Variants in CTNNA3 observed in about 807,000 individuals in gnomAD.
CTNNA3 encodes catenin alpha-3.
CTNNA3 carries 76 observed loss-of-function variants against 95.7 expected under a neutral mutation model. The observed-to-expected ratio is 0.79, with a 90% CI of 0.66 to 0.96. CTNNA3 has a LOEUF of 0.96. CTNNA3 is among the 40% of genes least tolerant of loss of function. CTNNA3 has a pLI of 0.00. For missense variants in CTNNA3, 1,191 were observed against 1,089.8 expected (o/e 1.09, Z -1.31); for synonymous variants, 431 against 374.4 (o/e 1.15, Z -1.74).
chr10:65,935,357 T>C (rs891804669), intron 17 of CTNNA3, among the ~76,000 whole-genome samples: 1 of 152,174 alleles, frequency 6.6e-6, no homozygotes, highest in East Asian at 1.9e-4. Flanking sequence ...TTTTTTTTAA[T>C]CTTATCGTTC....
At chr10:66,374,608 T>C (rs1393216407) in intron 12 of CTNNA3, among the ~76,000 whole-genome samples, 1 of 73,918 alleles carries the variant, frequency 1.4e-5, no homozygotes, top group South Asian at 6.6e-4. Context: ...AGAAAAGCCT[T>C]TTTTTTTTTT....
At chr10:66,258,729 T>A (rs925207326) in intron 13 of CTNNA3, among the ~76,000 whole-genome samples, 12 of 152,080 alleles carry the variant, frequency 7.9e-5, no homozygotes, top group Non-Finnish European at 5.9e-5. Flanking sequence ...CCTCCCAGCT[T>A]AAGAGCCTTA....
At chr10:66,586,155 T>A (rs557973715) in intron 10 of CTNNA3, among the ~76,000 whole-genome samples, 5 of 152,232 alleles carry the variant, frequency 3.3e-5, no homozygotes, top group Non-Finnish European at 4.4e-5. Context: ...AGAGGTCTCA[T>A]GAAGCTTATT....
intron 12 of CTNNA3, among the ~76,000 whole-genome samples, chr10:66,328,578 C>G (rs997156033): frequency 2.6e-5 from 4 of 151,850 alleles, no homozygotes; most frequent in African/African-American, 9.7e-5. Context: ...CACAGGATTT[C>G]TTTCCTGAAA....
At chr10:66,050,349 AT>A (rs903084885) in intron 15 of CTNNA3, among the ~76,000 whole-genome samples, 2 of 150,942 alleles carry the variant, frequency 1.3e-5, no homozygotes, top group African/African-American at 2.4e-5. Context: ...AAAAAAAAAA[AT>A]AGCACCAATA....
chr10:66,576,568 G>A (rs990131241), intron 10 of CTNNA3, among the ~76,000 whole-genome samples: 8 of 151,942 alleles, frequency 5.3e-5, no homozygotes, highest in African/African-American at 7.3e-5. Context: ...AATTATAAGC[G>A]AAAACATGTG....
intron 7 of CTNNA3, among the ~76,000 whole-genome samples, chr10:66,937,087 G>T (rs1260260952): frequency 1.3e-5 from 2 of 151,978 alleles, no homozygotes; most frequent in African/African-American, 2.4e-5. Context: ...CTATATTTGA[G>T]AATTTTTTTT....
At chr10:66,156,595 A>G (rs1228705968) in intron 13 of CTNNA3, among the ~76,000 whole-genome samples, 1 of 151,904 alleles carries the variant, frequency 6.6e-6, no homozygotes, top group Non-Finnish European at 1.5e-5. Context: ...ATAAACAAAC[A>G]ATAAAAATGT....
chr10:66,503,315 T>C (rs975883373), intron 11 of CTNNA3, among the ~76,000 whole-genome samples: 9 of 152,194 alleles, frequency 5.9e-5, no homozygotes, highest in African/African-American at 2.2e-4. Flanking sequence ...TCACCAAATA[T>C]TTGTTAATAA....
At chr10:66,088,077 C>A (rs868433308) in intron 14 of CTNNA3, among the ~76,000 whole-genome samples, 6 of 151,884 alleles carry the variant, frequency 4.0e-5, no homozygotes, top group Non-Finnish European at 7.4e-5. Context: ...TTATAGATAG[C>A]TATTTTTTCC....
At chr10:67,461,255 T>C (rs1847362648) in intron 5 of CTNNA3, among the ~76,000 whole-genome samples, 1 of 152,118 alleles carries the variant, frequency 6.6e-6, no homozygotes, top group African/African-American at 2.4e-5. Context: ...ATTTCTCTTT[T>C]TCAGTGAGTC....
intron 11 of CTNNA3, among the ~76,000 whole-genome samples, chr10:66,434,462 T>C (rs1237293722): frequency 6.6e-6 from 1 of 152,180 alleles, no homozygotes; most frequent in African/African-American, 2.4e-5. Context: ...TATAGGTGTA[T>C]AGGAATGCTT....
Position 66,572,546 on chromosome 10 carries a change from T to C in CTNNA3, c.1374+49146A>G, listed in dbSNP as rs933299105. ...TGATAATCACATTCTGTGTGGCTAA[T>C]TGCATTTAGGCCAGGACTCAAAAAA... On this transcript the variant is annotated intron_variant, in intron 10 of 17. Coordinates refer to ENST00000433211, the MANE Select transcript of CTNNA3 (RefSeq NM_013266.4). 3.3e-5 allele frequency among the ~76,000 whole-genome samples: 5 copies of C among 151,288 alleles called. 1 individual carries two copies. Among genetic ancestry groups the C allele is most frequent in the African/African-American group, 4.9e-5 (2 of 40,920 alleles).
chr10:66,443,727 A>T (rs2093394060), intron 11 of CTNNA3, among the ~76,000 whole-genome samples: 2 of 152,148 alleles, frequency 1.3e-5, no homozygotes, highest in South Asian at 4.2e-4. Flanking sequence ...ATGGGGAAAA[A>T]ACAGAGCAGA....
intron 10 of CTNNA3, among the ~76,000 whole-genome samples, chr10:66,614,974 T>C (rs1240909951): frequency 6.6e-6 from 1 of 151,994 alleles, no homozygotes; most frequent in African/African-American, 2.4e-5. Context: ...AGGATCTAAT[T>C]CTTCTACTTC....
intron 1 of CTNNA3, among the ~76,000 whole-genome samples, chr10:67,656,250 T>C (rs955146163): frequency 6.6e-6 from 1 of 152,204 alleles, no homozygotes; most frequent in African/African-American, 2.4e-5. Context: ...CTGCCTGATA[T>C]CGTAAGTGAT....
intron 14 of CTNNA3, among the ~76,000 whole-genome samples, chr10:66,101,598 C>T (rs966354082): frequency 4.6e-5 from 7 of 151,908 alleles, no homozygotes; most frequent in African/African-American, 7.3e-5. Flanking sequence ...AAATACTTAG[C>T]GCACTGTAAA....
intron 7 of CTNNA3, among the ~76,000 whole-genome samples, chr10:67,006,419 T>C (rs1194280400): frequency 6.6e-6 from 1 of 152,206 alleles, no homozygotes; most frequent in Non-Finnish European, 1.5e-5. Context: ...TTCTGTGCTA[T>C]GTATATACTA....
At chr10:66,273,667 A>G (rs1447557321) in intron 13 of CTNNA3, among the ~76,000 whole-genome samples, 2 of 152,182 alleles carry the variant, frequency 1.3e-5, no homozygotes, top group Non-Finnish European at 2.9e-5. Flanking sequence ...TATCAAAAGG[A>G]ATGTAAAAAC....
Sources: gnomAD v4.1 joint callset for allele counts (sites outside exome capture counted in the v4.1 genomes callset) on GRCh38, gnomAD v4.1.1 for gene constraint, MANE v1.5 for transcripts, NCBI Gene and HGNC (gene_info 2026-07-23, HGNC 2026-07-21) for gene names.